KRTAP10-2: variants seen among roughly 807,000 people sequenced by gnomAD.
KRTAP10-2 encodes the protein keratin-associated protein 10-2.
For synonymous variants in KRTAP10-2, 134 were observed against 135.5 expected, an observed-to-expected ratio of 0.99 and a Z score of 0.08; for missense variants, 295 against 319.5, an observed-to-expected ratio of 0.92 and a Z score of 0.58.
rs782030252 is a variant in KRTAP10-2, at chr21:44,551,386, T to C, written c.73A>G (p.Ser25Gly). Residue 25 changes from serine to glycine, a missense_variant, in exon 1 of 1, where the codon AGC (serine) becomes GGC (glycine). Ser to Gly is a moderately conservative substitution (Grantham distance 56). Transcript: ENST00000391621. ...NSWQVDDCPE[S>G]CCELPCGTPS... ...GTGCCGCAGGGGAGCTCACAGCAGC[T>C]CTCTGGGCAGTCGTCCACCTGCCAG... 1.2e-6 allele frequency: 2 copies of C among 1,613,262 alleles called. No homozygotes were observed. Among genetic ancestry groups the C allele is most frequent in the Admixed American group, 3.3e-5 (2 of 60,014 alleles).
At position 44,551,201 on chromosome 21, in the gene KRTAP10-2, C is replaced by T; in HGVS notation, c.258G>A (p.Gln86=). ...AGGGGGAGGAGGTGCAGCAAGCCGG[C>T]TGGCAGCTAGACTGCTGGCAGCACG... ...TPSCCQQSSC[Q]PACCTSSPCQ... Residue 86 remains glutamine (Q), a synonymous_variant, in exon 1 of 1, where the codon CAG becomes CAA. Coordinates refer to ENST00000391621, the MANE Select transcript of KRTAP10-2 (RefSeq NM_198693.4). 1.9e-6 allele frequency: 3 copies of T among 1,584,366 alleles called. No individual in the cohort carries two copies. Among genetic ancestry groups the T allele is most frequent in the Middle Eastern group, 1.7e-4 (1 of 5,978 alleles).
chr21:44,551,493 T>TAC lies in KRTAP10-2; in HGVS notation c.-36_-35insGT, dbSNP rs2146033432. 1 of 1,124,158 alleles carries TAC rather than the reference T, an allele frequency of 8.9e-7. No individual in the cohort carries two copies. Among genetic ancestry groups the TAC allele is most frequent in the East Asian group, 2.6e-5 (1 of 38,290 alleles). 69.6% of individuals were successfully genotyped at this position (1,124,158 alleles called of 1,614,324 possible). The stretch of plus-strand genomic sequence containing the variant: ...GGGAGGAGGTGAGCTGGGGGAGGTG[T>TAC]GTGAGTGAGTGAGTGTGTGTGTGAG... On this transcript the variant is annotated 5_prime_UTR_variant, in exon 1 of 1. Transcript: ENST00000391621.
In KRTAP10-2 at chr21:44,550,770, G is replaced by C. The variant is rs199982125; in HGVS notation, c.689C>G (p.Ser230Cys). The change falls in exon 1 of 1, where the codon TCT (serine) becomes TGT (cysteine). Residue 230 changes from serine to cysteine, a missense_variant. Transcript: ENST00000391621. ...CTSSCCRPSS[S>C]VSLLCRPVCS... ...CACGGGGCGGCAGAGGAGGGACACA[G>C]AGGAGGAGGGTCTGCAGCAGGAGGA... The C allele has an allele frequency of 3.7e-5, 60 of 1,614,100 alleles. No individual in the cohort carries two copies. The highest frequency in any genetic ancestry group is 5.0e-5 in the Admixed American group (3 of 60,014).
At position 44,550,435 on chromosome 21, in the gene KRTAP10-2, A is replaced by C; in HGVS notation, c.*256T>G. The C allele has an allele frequency of 1.6e-6, 1 of 638,690 alleles. No individual in the cohort carries two copies. Among genetic ancestry groups the C allele is most frequent in the Middle Eastern group, 4.4e-4 (1 of 2,292 alleles). 39.6% of individuals were successfully genotyped at this position (638,690 alleles called of 1,614,324 possible). On this transcript the variant is annotated 3_prime_UTR_variant, in exon 1 of 1. Coordinates refer to ENST00000391621, the MANE Select transcript of KRTAP10-2 (RefSeq NM_198693.4). ...GGTGAGACCCAGGTCAGGAGGGCCC[A>C]TCCCCAACCAGCGACCAGCGACCAG...
rs369851907 is a variant in KRTAP10-2, at chr21:44,550,759, G to A, written c.700C>T (p.Leu234Phe). 1.2e-6 allele frequency: 2 copies of A among 1,614,218 alleles called. No individual in the cohort carries two copies. The highest frequency in any genetic ancestry group is 1.7e-6 in the Non-Finnish European group (2 of 1,180,038). ...CCRPSSSVSL[L>F]CRPVCSRPAS... ...GGGCGGGAGCACACGGGGCGGCAGA[G>A]GAGGGACACAGAGGAGGAGGGTCTG... The change falls in exon 1 of 1, where the codon CTC (leucine) becomes TTC (phenylalanine). Residue 234 changes from leucine to phenylalanine, a missense_variant. By Grantham distance (22) the Leu-to-Phe change is conservative (BLOSUM62 0). Transcript: ENST00000391621.
chr21:44,551,030 A>G lies in KRTAP10-2; in HGVS notation c.429T>C (p.Pro143=), dbSNP rs782690145. ...CGCAGCACACAGCTTTGCAGCAGACAGGCACACGGCAGGACTGCTGGCAGG... is the reference window on the plus strand; with the variant it reads ...CGCAGCACACAGCTTTGCAGCAGACGGGCACACGGCAGGACTGCTGGCAGG... ...SSSCQQSCRV[P]VCCKAVCCVP... is the part of the protein sequence containing the mutation. Residue 143 remains proline, a synonymous_variant, in exon 1 of 1, where the codon CCT becomes CCC. Transcript: ENST00000391621. 3 of 1,608,920 alleles carry G rather than the reference A, an allele frequency of 1.9e-6. No homozygotes were observed. The highest frequency in any genetic ancestry group is 3.3e-4 in the Middle Eastern group (2 of 6,062).
At position 44,550,844 on chromosome 21, in the gene KRTAP10-2, A is replaced by G. The variant is rs782680936; in HGVS notation, c.615T>C (p.Ala205=). 2.4e-4 allele frequency: 368 copies of G among 1,524,344 alleles called. No individual in the cohort carries two copies. The highest frequency in any genetic ancestry group is 3.0e-4 in the Non-Finnish European group (340 of 1,125,732). The allele number at this position is 1,524,344 out of a possible 1,614,324, so 94.4% of individuals were successfully genotyped here. ...SICCVPVCSG[A]SSPCCQQSSC... ...TAGACTGCTGGCAGCACGGAGAGGA[A>G]GCCCCAGAGCAAACAGGTACACAGC... The change falls in exon 1 of 1, where the codon GCT becomes GCC. Residue 205 remains alanine, a synonymous_variant. Transcript: ENST00000391621.
At position 44,551,343 on chromosome 21, in the gene KRTAP10-2, G is replaced by A. The variant is rs1555918872; in HGVS notation, c.116C>T (p.Pro39Leu). 1.2e-6 allele frequency: 2 copies of A among 1,613,136 alleles called. No individual in the cohort carries two copies. Among genetic ancestry groups the A allele is most frequent in the African/African-American group, 1.3e-5 (1 of 75,044 alleles). The change falls in exon 1 of 1, where the codon CCA becomes CTA. Residue 39 changes from proline (P) to leucine (L), a missense_variant. Physicochemically the swap from Pro to Leu is moderately conservative, Grantham distance 98. Transcript: ENST00000391621. ...GCAGACCAGGGTCAGGCAGGGGGCT[G>A]GGGCACAGCAGCTGGGGGTGCCGCA... ...LPCGTPSCCA[P>L]APCLTLVCTP...
chr21:44,551,286 C>G lies in KRTAP10-2; in HGVS notation c.173G>C (p.Cys58Ser), dbSNP rs782190064. 6.2e-7 allele frequency: 1 copy of G among 1,613,556 alleles called. No homozygotes were observed. The highest frequency in any genetic ancestry group is 8.5e-7 in the Non-Finnish European group (1 of 1,179,930). The change falls in exon 1 of 1, where the codon TGC becomes TCC. Residue 58 changes from cysteine to serine, a missense_variant. Physicochemically the swap from Cys to Ser is moderately radical, Grantham distance 112. Transcript: ENST00000391621. ...GGCGCTGGGCTCACAGGCCGCCTGG[C>G]AGCAGGGGCTGGACACACAGCTCAC... Reference protein sequence around the residue: ...TPVSCVSSPCCQAACEPSACQ... With the variant: ...TPVSCVSSPCSQAACEPSACQ...
rs186057899 is a variant in KRTAP10-2 at position 44,551,369 on chromosome 21, G to A, written c.90C>T (p.Pro30=). 607 of 1,613,230 alleles carry A rather than the reference G, an allele frequency of 3.8e-4. 4 individuals are homozygous for A. In the African/African-American group the frequency reaches 7.5e-3, roughly 20 times the overall value. ...GGGCACAGCAGCTGGGGGTGCCGCA[G>A]GGGAGCTCACAGCAGCTCTCTGGGC... ...DDCPESCCEL[P]CGTPSCCAPA... Residue 30 remains proline (P), a synonymous_variant, in exon 1 of 1, where the codon CCC becomes CCT. Coordinates refer to ENST00000391621, the MANE Select transcript of KRTAP10-2 (RefSeq NM_198693.4).
Position 44,550,501 on chromosome 21 carries a change from A to T in KRTAP10-2, c.*190T>A. 2.7e-6 allele frequency: 2 copies of T among 745,120 alleles called. No homozygotes were observed. Among genetic ancestry groups the T allele is most frequent in the Non-Finnish European group, 4.3e-6 (2 of 470,390 alleles). 46.2% of individuals were successfully genotyped at this position (745,120 alleles called of 1,614,324 possible). ...TGCAGCCAGGAAGCACCGTGAGGAG[A>T]AGCCAGGGCTCGCCCGCCCGGCGGG... On this transcript the variant is annotated 3_prime_UTR_variant, in exon 1 of 1. Transcript: ENST00000391621.
Position 44,550,748 on chromosome 21 carries a change from G to C in KRTAP10-2, c.711C>G (p.Pro237=), listed in dbSNP as rs199928658. 8.1e-6 allele frequency: 13 copies of C among 1,614,030 alleles called. No individual in the cohort carries two copies. In the African/African-American group the frequency reaches 1.7e-4, roughly 22 times the overall value. ...PSSSVSLLCR[P]VCSRPASCSF... ...TGCAGGAGGCTGGGCGGGAGCACAC[G>C]GGGCGGCAGAGGAGGGACACAGAGG... Residue 237 remains proline (P), a synonymous_variant, in exon 1 of 1, where the codon CCC becomes CCG. Coordinates refer to ENST00000391621, the MANE Select transcript of KRTAP10-2 (RefSeq NM_198693.4).
At position 44,550,848 on chromosome 21, in the gene KRTAP10-2, C is replaced by G. The variant is rs771144974; in HGVS notation, c.611G>C (p.Gly204Ala). 40 of 1,531,890 alleles carry G rather than the reference C, an allele frequency of 2.6e-5. No homozygotes were observed. The highest frequency in any genetic ancestry group is 3.4e-5 in the Non-Finnish European group (38 of 1,128,398). The allele number at this position is 1,531,890 out of a possible 1,614,324, so 94.9% of individuals were successfully genotyped here. Residue 204 changes from glycine to alanine, a missense_variant, in exon 1 of 1, where the codon GGG (glycine) becomes GCG (alanine). Coordinates refer to ENST00000391621, the MANE Select transcript of KRTAP10-2 (RefSeq NM_198693.4). ...KSICCVPVCS[G>A]ASSPCCQQSS... ...CTGCTGGCAGCACGGAGAGGAAGCC[C>G]CAGAGCAAACAGGTACACAGCAGAT...
At position 44,550,947 on chromosome 21, in the gene KRTAP10-2, G is replaced by A. The variant is rs1337150902; in HGVS notation, c.512C>T (p.Ala171Val). The change falls in exon 1 of 1, where the codon GCT becomes GTT. Residue 171 changes from alanine (A) to valine (V), a missense_variant. Transcript: ENST00000391621. ...SCCQQSSCQP[A>V]CCTSSPCQQS... is the part of the protein sequence containing the mutation. The stretch of plus-strand genomic sequence containing the variant: ...CTGACACGGGGAGGAGGTGCAGCAA[G>A]CCGGCTGGCAGCTAGACTGCTGGCA... 1.3e-6 allele frequency: 2 copies of A among 1,503,744 alleles called. No individual in the cohort carries two copies. Among genetic ancestry groups the A allele is most frequent in the Non-Finnish European group, 1.8e-6 (2 of 1,109,628 alleles). 93.2% of individuals were successfully genotyped at this position (1,503,744 alleles called of 1,614,324 possible).
In KRTAP10-2 at chr21:44,551,145, C is replaced by T. The variant is rs1339748615; in HGVS notation, c.314G>A (p.Cys105Tyr). Reference sequence around the variant, plus strand: ...GACGGGCACACAGCACACAGGCTTGCAGCAGACGGGCACGCAGCAGGCCTG... The same window carrying T: ...GACGGGCACACAGCACACAGGCTTGTAGCAGACGGGCACGCAGCAGGCCTG... ...CQQACCVPVC[C>Y]KPVCCVPVCC... The change falls in exon 1 of 1, where the codon TGC becomes TAC. Residue 105 changes from cysteine to tyrosine, a missense_variant. By Grantham distance (194) the Cys-to-Tyr change is radical. Transcript: ENST00000391621. 3.8e-6 allele frequency: 6 copies of T among 1,559,100 alleles called. No individual in the cohort carries two copies. Among genetic ancestry groups the T allele is most frequent in the Middle Eastern group, 1.7e-4 (1 of 5,904 alleles).
At position 44,551,119 on chromosome 21, in the gene KRTAP10-2, A is replaced by C. The variant is rs782096863; in HGVS notation, c.340T>G (p.Cys114Gly). 3 of 1,561,066 alleles carry C rather than the reference A, an allele frequency of 1.9e-6. No individual in the cohort carries two copies. In the South Asian group the frequency reaches 3.4e-5, roughly 18 times the overall value. Residue 114 changes from cysteine to glycine, a missense_variant, in exon 1 of 1, where the codon TGC becomes GGC. Cys to Gly is a radical substitution (Grantham distance 159). Transcript: ENST00000391621. ...TGGCAGCATGAAGAAGCCCCACAGC[A>C]GACGGGCACACAGCACACAGGCTTG... The part of the protein sequence containing the change: ...CCKPVCCVPV[C>G]CGASSCCQQS...
Position 44,550,517 on chromosome 21 carries a change from GCCC to G in KRTAP10-2, c.*171_*173del, listed in dbSNP as rs2053393230. 1.0e-6 allele frequency: 1 copy of G among 1,002,772 alleles called. No individual in the cohort carries two copies. The highest frequency in any genetic ancestry group is 1.6e-5 in the African/African-American group (1 of 61,172). 62.1% of individuals were successfully genotyped at this position (1,002,772 alleles called of 1,614,324 possible). On this transcript the variant is annotated 3_prime_UTR_variant, in exon 1 of 1. Transcript: ENST00000391621. Reference sequence around the variant, plus strand: ...CGTGAGGAGAAGCCAGGGCTCGCCCGCCCGGCGGGAGGTCAGAGAGGAGCCAGT... The same window carrying G: ...CGTGAGGAGAAGCCAGGGCTCGCCCGGGCGGGAGGTCAGAGAGGAGCCAGT...
In KRTAP10-2 at chr21:44,550,401, G is replaced by A. The variant is rs368567708; in HGVS notation, c.*290C>T. ...TTGGTGCTCAGAGGCAGAGGGTGAC[G>A]CTCCTGGGGGTGAGACCCAGGTCAG... On this transcript the variant is annotated 3_prime_UTR_variant, in exon 1 of 1. Transcript: ENST00000391621. 3.7e-5 allele frequency: 22 copies of A among 589,928 alleles called. No homozygotes were observed. Among genetic ancestry groups the A allele is most frequent in the Middle Eastern group, 4.6e-4 (1 of 2,158 alleles). 36.5% of individuals were successfully genotyped at this position (589,928 alleles called of 1,614,324 possible). A position where few individuals can be genotyped will look rare whatever the true frequency, so the allele number is the denominator to read the frequency against.
rs233238 is a variant in KRTAP10-2 at position 44,550,835 on chromosome 21, C to T, written c.624G>A (p.Pro208=). Residue 208 remains proline (P), a synonymous_variant, in exon 1 of 1, where the codon CCG becomes CCA. Coordinates refer to ENST00000391621, the MANE Select transcript of KRTAP10-2 (RefSeq NM_198693.4). ...CVPVCSGASS[P]CCQQSSCQPA... is the part of the protein sequence containing the mutation. ...GCTGGCAGCTAGACTGCTGGCAGCA[C>T]GGAGAGGAAGCCCCAGAGCAAACAG... is the stretch of plus-strand genomic sequence containing the variant. 0.21 allele frequency: 342,161 copies of T among 1,610,160 alleles called. 38,110 individuals carry two copies. Among genetic ancestry groups the T allele is most frequent in the East Asian group, 0.4 (17,819 of 44,734 alleles).
Sources: allele counts gnomAD v4.1 joint callset, GRCh38; gene constraint gnomAD v4.1.1; transcripts MANE v1.5; gene names NCBI Gene and HGNC (gene_info 2026-07-23, HGNC 2026-07-21).